COL22A1: variants seen among roughly 807,000 people sequenced by gnomAD.
The protein encoded by COL22A1 is collagen alpha-1(XXII) chain.
In COL22A1, 221 loss-of-function variants were observed where a neutral mutation model predicts 248.9. That is an observed-to-expected ratio of 0.89 (90% confidence interval 0.80 to 0.99). The LOEUF (loss-of-function observed/expected upper bound fraction) is 0.99, where lower values mean the gene tolerates loss of function less well. Ranked by LOEUF, COL22A1 falls within the 50% of genes least tolerant of loss-of-function variation. The pLI, the probability that COL22A1 is intolerant of heterozygous loss-of-function variation, is 0.00. For missense variants in COL22A1, 2,240 were observed against 2,179.0 expected (o/e 1.03, Z -0.56); for synonymous variants, 891 against 793.4 (o/e 1.12, Z -2.07).
At chr8:138,767,157 G>A (rs977605223) in intron 16 of COL22A1, among the ~76,000 whole-genome samples, 2 of 152,214 alleles carry the variant, frequency 1.3e-5, no homozygotes, top group Non-Finnish European at 2.9e-5. Flanking sequence ...TGAGGACCAC[G>A]TGAGCTAATC....
At chr8:138,620,996 C>CCCATCCAT (rs34832535) in intron 52 of COL22A1, among the ~76,000 whole-genome samples, 3 of 31,502 alleles carry the variant, frequency 9.5e-5, no homozygotes, top group East Asian at 8.8e-4. Context: ...CATCCATCCA[C>CCCATCCAT]CCATCCATCC....
intron 47 of COL22A1, among the ~76,000 whole-genome samples, chr8:138,639,255 G>A (rs1187436491): frequency 2.6e-5 from 4 of 152,168 alleles, no homozygotes; most frequent in East Asian, 1.9e-4. Context: ...TAGAAAGCAA[G>A]GTCTGGAATC....
chr8:138,746,229 T>C (rs980914149), intron 22 of COL22A1, among the ~76,000 whole-genome samples: 2 of 152,172 alleles, frequency 1.3e-5, no homozygotes, highest in African/African-American at 4.8e-5. Context: ...TGTCTGTCTC[T>C]CCATGCCCAG....
intron 31 of COL22A1, among the ~76,000 whole-genome samples, chr8:138,700,988 C>CAAA (rs5895554): frequency 0.017 from 921 of 53,602 alleles, 63 homozygotes; most frequent in Middle Eastern, 0.036. Flanking sequence ...GACTCCGTCT[C>CAAA]AAAAAAAAAA....
intron 4 of COL22A1, among the ~76,000 whole-genome samples, chr8:138,835,150 T>C (rs1820335468): frequency 6.6e-6 from 1 of 152,134 alleles, no homozygotes; most frequent in Non-Finnish European, 1.5e-5. Context: ...ACCCTGCACT[T>C]TTTGGATTGG....
At chr8:138,604,613 C>T in intron 59 of COL22A1, 121 bp downstream of exon 59, 1 of 807,218 alleles carries the variant, frequency 1.2e-6, no homozygotes, top group Non-Finnish European at 2.1e-6. Context: ...AATTTCAAAA[C>T]AGTGAAGGTA....
At chr8:138,605,599 G>T (rs995811394) in intron 58 of COL22A1, among the ~76,000 whole-genome samples, 23 of 152,242 alleles carry the variant, frequency 1.5e-4, no homozygotes, top group African/African-American at 5.5e-4. Context: ...CATGCAGAGG[G>T]GTCAGAATTA....
intron 1 of COL22A1, among the ~76,000 whole-genome samples, chr8:138,908,373 G>C (rs900920492): frequency 2.6e-5 from 4 of 152,210 alleles, no homozygotes; most frequent in Admixed American, 1.3e-4. Context: ...TGCAGATACT[G>C]TTGCACTTGT....
intron 2 of COL22A1, among the ~76,000 whole-genome samples, chr8:138,881,961 C>CG (rs1586955559): frequency 6.6e-6 from 1 of 152,156 alleles, no homozygotes; most frequent in East Asian, 1.9e-4. Context: ...CCTCCTGCCC[C>CG]GGGCCTTCTC....
In COL22A1 at chr8:138,616,036, C is replaced by A; in HGVS notation, c.3889G>T (p.Gly1297Trp). 6.2e-7 allele frequency: 1 copy of A among 1,613,528 alleles called. No homozygotes were observed. The highest frequency in any genetic ancestry group is 2.2e-5 in the East Asian group (1 of 44,844). The change falls in exon 55 of 65, where the codon GGG becomes TGG. Residue 1297 changes from glycine to tryptophan, a missense_variant. Coordinates refer to ENST00000303045, the MANE Select transcript of COL22A1 (RefSeq NM_152888.3). Reference protein sequence around the residue: ...PGPRGESGAMGLPGQEGLPGK... With the variant: ...PGPRGESGAMWLPGQEGLPGK... ...GGTAACCCTTCCTGACCAGGAAGCC[C>A]CATGGCACCAGACTCTCCCTAGGAA...
intron 17 of COL22A1, among the ~76,000 whole-genome samples, chr8:138,760,504 A>G (rs1462609489): frequency 2.0e-5 from 3 of 152,152 alleles, no homozygotes; most frequent in Non-Finnish European, 2.9e-5. Context: ...TCTCATCTGC[A>G]GTTGCGCTGG....
intron 41 of COL22A1, 145 bp downstream of exon 41, chr8:138,676,413 A>AAGAAAG (rs1554744005): frequency 6.5e-5 from 21 of 325,532 alleles, no homozygotes; most frequent in African/African-American, 3.2e-4. Flanking sequence ...AAAAGAAAGA[A>AAGAAAG]AAAGAAAGAA....
At chr8:138,900,388 C>T (rs1309560768) in intron 1 of COL22A1, among the ~76,000 whole-genome samples, 1 of 152,180 alleles carries the variant, frequency 6.6e-6, no homozygotes, top group South Asian at 2.1e-4. Flanking sequence ...TGGCTTCAGC[C>T]CTACACTGCC....
chr8:138,812,602 G>A (rs527314603), intron 8 of COL22A1, among the ~76,000 whole-genome samples: 311 of 152,138 alleles, frequency 2.0e-3, no homozygotes, highest in African/African-American at 7.1e-3. Flanking sequence ...AGGGCACTGC[G>A]GCCTCTCCCT....
intron 3 of COL22A1, among the ~76,000 whole-genome samples, chr8:138,871,365 C>T (rs1476497863): frequency 6.6e-6 from 1 of 152,200 alleles, no homozygotes; most frequent in Admixed American, 6.5e-5. Context: ...GAGAACAGTC[C>T]TGCTCCCACT....
chr8:138,645,382 CCT>C (rs1362965883), intron 47 of COL22A1, among the ~76,000 whole-genome samples: 3 of 152,108 alleles, frequency 2.0e-5, no homozygotes, highest in Non-Finnish European at 2.9e-5. Context: ...CGCCCTGAAT[CCT>C]CTCTCTCTCA....
At chr8:138,641,952 G>T (rs1261884563) in intron 47 of COL22A1, among the ~76,000 whole-genome samples, 1 of 152,190 alleles carries the variant, frequency 6.6e-6, no homozygotes, top group Non-Finnish European at 1.5e-5. Context: ...AAGTAGTGTG[G>T]GGTAAATGAC....
chr8:138,628,891 G>A (rs1031576140), intron 50 of COL22A1, among the ~76,000 whole-genome samples: 3 of 150,264 alleles, frequency 2.0e-5, no homozygotes, highest in Non-Finnish European at 4.4e-5. Context: ...TCACTGTCCC[G>A]AGTAGCTGGG....
chr8:138,782,199 T>C (rs1374822693), intron 12 of COL22A1, among the ~76,000 whole-genome samples: 1 of 152,220 alleles, frequency 6.6e-6, no homozygotes, highest in African/African-American at 2.4e-5. Context: ...TGAGTCCATC[T>C]CAGCTGTAGA....
Sources: gnomAD v4.1 joint callset for allele counts (sites outside exome capture counted in the v4.1 genomes callset) on GRCh38, gnomAD v4.1.1 for gene constraint, MANE v1.5 for transcripts, NCBI Gene and HGNC (gene_info 2026-07-23, HGNC 2026-07-21) for gene names.